The following GNA13 variants were observed in gnomAD, a reference collection of about 807,000 sequenced individuals.
The protein encoded by GNA13 is G protein subunit alpha 13.
In GNA13, 4 loss-of-function variants were observed where a neutral mutation model predicts 33.5. That is an observed-to-expected ratio of 0.12 (90% CI 0.06 to 0.27). The LOEUF is 0.27. GNA13 is among the 10% of genes least tolerant of loss of function. The pLI is 1.00. For synonymous variants in GNA13, 176 were observed against 183.8 expected (o/e 0.96, Z 0.34); for missense variants, 319 against 487.2 (o/e 0.65, Z 3.25).
Position 65,013,873 on chromosome 17 carries a change from T to G in GNA13, c.*384A>C, listed in dbSNP as rs1906275244. ...GACAGAAGATATCTTGTTTTGGAAC[T>G]GAATATTCCTAACCTCATCCCTACA... On this transcript the variant is annotated 3_prime_UTR_variant, in exon 4 of 4. Coordinates refer to ENST00000439174, the MANE Select transcript of GNA13 (RefSeq NM_006572.6). 1 of 240,620 alleles carries G rather than the reference T, an allele frequency of 4.2e-6. No homozygotes were observed. Among genetic ancestry groups the G allele is most frequent in the Non-Finnish European group, 8.2e-6 (1 of 121,786 alleles). 14.9% of individuals were successfully genotyped at this position (240,620 alleles called of 1,614,324 possible).
At chr17:65,055,846 A>G (rs1216473531) in intron 1 of GNA13, 1 of 739,742 alleles carries the variant, frequency 1.4e-6, no homozygotes, top group Non-Finnish European at 1.7e-6. Flanking sequence ...ATGCGACCCC[A>G]TGTGACTCGG....
intron 3 of GNA13, among the ~76,000 whole-genome samples, chr17:65,016,486 G>C (rs912392576): frequency 2.0e-5 from 3 of 152,060 alleles, no homozygotes; most frequent in Non-Finnish European, 4.4e-5. Flanking sequence ...TCAGCCTCCC[G>C]AATAGCTGGG....
chr17:65,036,548 C>G (rs1251636583), intron 2 of GNA13, among the ~76,000 whole-genome samples: 1 of 152,150 alleles, frequency 6.6e-6, no homozygotes, highest in South Asian at 2.1e-4. Context: ...TCTATTAAAA[C>G]TACAAAAATT....
In GNA13 at chr17:65,038,702, C is replaced by T. The variant is rs950615283; in HGVS notation, c.510+14800G>A. 2.6e-5 allele frequency among the ~76,000 whole-genome samples: 4 copies of T among 152,192 alleles called. No homozygotes were observed. In the East Asian group the frequency reaches 7.7e-4, roughly 29 times the overall value. On this transcript the variant is annotated intron_variant, in intron 2 of 3. Transcript: ENST00000439174. ...TTGGCCTCCCAATGTGTTGGGATTA[C>T]AGGCGTGAGCCACCGTGCCCCGCCC...
rs746647941 is a variant in GNA13 at position 65,053,518 on chromosome 17, C to T, written c.494G>A (p.Arg165His). The change falls in exon 2 of 4, where the codon CGT becomes CAT. Residue 165 changes from arginine (R) to histidine (H), a missense_variant. Coordinates refer to ENST00000439174, the MANE Select transcript of GNA13 (RefSeq NM_006572.6). ...ATCTCTTACCAGTTGAAATTCTCGA[C>T]GCCGGTCATAGGCATTCTGTATGCC... ...DSGIQNAYDR[R>H]REFQLGESVK... is the part of the protein sequence containing the mutation. The T allele has an allele frequency of 3.1e-6, 5 of 1,603,516 alleles. No homozygotes were observed. The highest frequency in any genetic ancestry group is 2.2e-5 in the South Asian group (2 of 90,876).
intron 2 of GNA13, among the ~76,000 whole-genome samples, chr17:65,050,354 C>G (rs1431120358): frequency 6.6e-6 from 1 of 152,202 alleles, no homozygotes; most frequent in African/African-American, 2.4e-5. Context: ...TGACACTATG[C>G]CAAGCACCAC....
chr17:65,056,239 G>GCCCGGGCCCCCCCCCCCCCCCCCCCCCC, intron 1 of GNA13, 72 bp downstream of exon 1: 3 of 936,168 alleles, frequency 3.2e-6, no homozygotes, highest in South Asian at 1.5e-5. Flanking sequence ...CCAGGGCGGT[G>GCCCGGGCCCCCCCCCCCCCCCCCCCCCC]CCCCGCCCCG....
At chr17:65,040,684 G>T (rs1907421186) in intron 2 of GNA13, among the ~76,000 whole-genome samples, 1 of 152,036 alleles carries the variant, frequency 6.6e-6, no homozygotes, top group African/African-American at 2.4e-5. Context: ...AGTAGAGACG[G>T]GTTTCACCAT....
chr17:65,047,519 C>A (rs1208565741), intron 2 of GNA13, among the ~76,000 whole-genome samples: 1 of 152,168 alleles, frequency 6.6e-6, no homozygotes, highest in East Asian at 1.9e-4. Flanking sequence ...TTTTTAGCAA[C>A]TCAAAGTCCT....
At chr17:65,042,271 T>G (rs1907483525) in intron 2 of GNA13, among the ~76,000 whole-genome samples, 2 of 151,236 alleles carry the variant, frequency 1.3e-5, no homozygotes, top group Non-Finnish European at 2.9e-5. Context: ...GGCAGGAGAA[T>G]TGCTTGAACC....
intron 2 of GNA13, among the ~76,000 whole-genome samples, chr17:65,052,677 A>G (rs1297747501): frequency 6.6e-6 from 1 of 152,242 alleles, no homozygotes; most frequent in Non-Finnish European, 1.5e-5. Flanking sequence ...TGGATTGGAT[A>G]CTTTTATTCC....
chr17:65,053,410 A>T, intron 2 of GNA13, 92 bp downstream of exon 2: 1 of 790,586 alleles, frequency 1.3e-6, no homozygotes, highest in East Asian at 2.4e-5. Context: ...AGATTTGGGA[A>T]CATTTCGAAT....
At chr17:65,049,838 G>A (rs1907799512) in intron 2 of GNA13, among the ~76,000 whole-genome samples, 1 of 152,222 alleles carries the variant, frequency 6.6e-6, no homozygotes, top group Admixed American at 6.5e-5. Flanking sequence ...GTTTTAACAA[G>A]CATTCCAGTC....
chr17:65,053,670 T>G lies in GNA13; in HGVS notation c.342A>C (p.Ser114=). Residue 114 remains serine (S), a synonymous_variant, in exon 2 of 4, where the codon TCA becomes TCC. Coordinates refer to ENST00000439174, the MANE Select transcript of GNA13 (RefSeq NM_006572.6). ...EKLHIPWGDN[S]NQQHGDKMMS... ...TCATCTTATCTCCATGTTGTTGGTTTGAGTTGTCTCCCCAGGGAATATGAA... is the reference window on the plus strand; with the variant it reads ...TCATCTTATCTCCATGTTGTTGGTTGGAGTTGTCTCCCCAGGGAATATGAA... 6.2e-7 allele frequency: 1 copy of G among 1,614,134 alleles called. No individual in the cohort carries two copies. Among genetic ancestry groups the G allele is most frequent in the Admixed American group, 1.7e-5 (1 of 60,022 alleles).
At chr17:65,026,198 C>CA (rs200284409) in intron 2 of GNA13, among the ~76,000 whole-genome samples, 2,750 of 149,664 alleles carry the variant, frequency 0.018, 93 homozygotes, top group African/African-American at 0.064. Flanking sequence ...TACTCTCCAC[C>CA]AAAATAAAAA....
chr17:65,019,657 A>G (rs1906512782), intron 2 of GNA13, among the ~76,000 whole-genome samples: 1 of 152,224 alleles, frequency 6.6e-6, no homozygotes, highest in South Asian at 2.1e-4. Context: ...AAGGATGGTT[A>G]CCAAAGGCTG....
Position 65,014,850 on chromosome 17 carries a change from T to C in GNA13, c.562-21A>G, listed in dbSNP as rs1388378241. On this transcript the variant is annotated intron_variant, in intron 3 of 3. Transcript: ENST00000439174. The surrounding 1 kb of genome is among the most constrained non-coding windows in gnomAD (Gnocchi z 5.3). ...TAATCCTGGAAAAGAAAAAACTTGT[T>C]TTATACCTATTAATCCCGAAGTAAT... The C allele has an allele frequency of 6.7e-7, 1 of 1,485,998 alleles. No homozygotes were observed. Among genetic ancestry groups the C allele is most frequent in the Non-Finnish European group, 9.3e-7 (1 of 1,075,558 alleles). 92.1% of individuals were successfully genotyped at this position (1,485,998 alleles called of 1,614,324 possible). A position where few individuals can be genotyped will look rare whatever the true frequency, so the allele number is the denominator to read the frequency against.
intron 1 of GNA13, among the ~76,000 whole-genome samples, chr17:65,054,997 A>G (rs1907989835): frequency 6.8e-6 from 1 of 147,450 alleles, no homozygotes; most frequent in East Asian, 2.0e-4. Flanking sequence ...TCATTACTCC[A>G]TAATGCCTGG....
chr17:65,055,290 C>T (rs938579834), intron 1 of GNA13, among the ~76,000 whole-genome samples: 61 of 152,226 alleles, frequency 4.0e-4, no homozygotes, highest in African/African-American at 1.3e-3. Context: ...TTTCAAATGA[C>T]AAAATAAAAA....
Sources: allele counts gnomAD v4.1 joint callset (sites outside exome capture counted in the v4.1 genomes callset), GRCh38; gene constraint gnomAD v4.1.1; non-coding constraint Gnocchi (gnomAD v3.1); transcripts MANE v1.5; gene names NCBI Gene and HGNC (gene_info 2026-07-23, HGNC 2026-07-21).